IL17RA: variants seen among roughly 807,000 people sequenced by gnomAD.
IL17RA encodes interleukin 17 receptor A, also known as interleukin-17 receptor A.
In IL17RA, 34 loss-of-function variants were observed where a neutral mutation model predicts 50.4. The ratio of observed to expected loss-of-function variants is 0.67; its 90% CI spans 0.51 to 0.90. The LOEUF is 0.90. IL17RA is among the 40% of genes least tolerant of loss of function. IL17RA has a pLI of 0.00. For missense variants in IL17RA, 1,276 were observed against 1,169.8 expected, an observed-to-expected ratio of 1.09 and a Z score of -1.32; for synonymous variants, 585 against 510.4, an observed-to-expected ratio of 1.15 and a Z score of -1.97.
intron 1 of IL17RA, among the ~76,000 whole-genome samples, chr22:17,089,732 G>A (rs2061341088): frequency 6.6e-6 from 1 of 152,124 alleles, no homozygotes; most frequent in Non-Finnish European, 1.5e-5. Flanking sequence ...AATTAGCCAG[G>A]TGTGGTGGCG....
intron 8 of IL17RA, among the ~76,000 whole-genome samples, chr22:17,103,852 C>T (rs1291271523): frequency 1.7e-5 from 2 of 117,892 alleles, no homozygotes; most frequent in Non-Finnish European, 3.5e-5. Context: ...GAGTGGGGAA[C>T]GTGCACAGGT....
intron 7 of IL17RA, 48 bp downstream of exon 7, chr22:17,102,350 T>A: frequency 1.3e-6 from 2 of 1,597,974 alleles, no homozygotes; most frequent in South Asian, 2.2e-5. Context: ...GGACCACCCC[T>A]CCAAGCCCTG....
In IL17RA at chr22:17,109,852, G is replaced by C. The variant is rs777456714; in HGVS notation, c.*32G>C. The C allele has an allele frequency of 6.5e-7, 1 of 1,540,608 alleles. No individual in the cohort carries two copies. Among genetic ancestry groups the C allele is most frequent in the South Asian group, 1.2e-5 (1 of 83,932 alleles). ...CTCCCCAGGGACCGCCCAGATCCCA[G>C]CTTTGAGAGAGGAGTGTGTGTGCAC... On this transcript the variant is annotated 3_prime_UTR_variant, in exon 13 of 13. Coordinates refer to ENST00000319363, the MANE Select transcript of IL17RA (RefSeq NM_014339.7).
Position 17,085,191 on chromosome 22 carries a change from C to T in IL17RA, c.100C>T (p.Arg34Ter). 6.5e-7 allele frequency: 1 copy of T among 1,528,314 alleles called. No individual in the cohort carries two copies. Among genetic ancestry groups the T allele is most frequent in the Non-Finnish European group, 8.8e-7 (1 of 1,142,612 alleles). The allele number at this position is 1,528,314 out of a possible 1,614,324, so 94.7% of individuals were successfully genotyped here. A position where few individuals can be genotyped will look rare whatever the true frequency, so the allele number is the denominator to read the frequency against. Residue 34 changes from arginine to a stop codon, truncating the protein, a stop_gained, in exon 1 of 13, where the codon CGA becomes TGA. Coordinates refer to ENST00000319363, the MANE Select transcript of IL17RA (RefSeq NM_014339.7). LOFTEE classifies it high-confidence loss of function. ...GCTGGCCCCGGGTGGCGCCTCCCTG[C>T]GACTCCTGGACCACCGGGCGCTGGT... ...GVLAPGGASL[R>*]LLDHRALVCS...
intron 6 of IL17RA, 25 bp from the exon 7 acceptor site, chr22:17,102,114 C>T (rs747027956): frequency 6.2e-7 from 1 of 1,614,178 alleles, no homozygotes; most frequent in Non-Finnish European, 8.5e-7. Flanking sequence ...TCCTCACTCC[C>T]AGCCTGCGTG....
rs550947412 is a variant in IL17RA, at chr22:17,102,910, G to A, written c.763-584G>A. Reference sequence around the variant, plus strand: ...TAATCCCAGCAGTTTGGGAGGCCAAGGCAGGTGGATCACTTGAGGTCAGGA... The same window carrying A: ...TAATCCCAGCAGTTTGGGAGGCCAAAGCAGGTGGATCACTTGAGGTCAGGA... On this transcript the variant is annotated intron_variant, in intron 7 of 12. Coordinates refer to ENST00000319363, the MANE Select transcript of IL17RA (RefSeq NM_014339.7). 1.8e-4 allele frequency among the ~76,000 whole-genome samples: 28 copies of A among 152,358 alleles called. No individual in the cohort carries two copies. The East Asian group carries it at 5.4e-3, about 29-fold the overall frequency.
At chr22:17,104,610 C>G in intron 8 of IL17RA, 116 bp from the exon 9 acceptor site, 1 of 906,456 alleles carries the variant, frequency 1.1e-6, no homozygotes, top group Non-Finnish European at 1.8e-6. Context: ...ATGATGGTCA[C>G]CTGGAGATCG....
chr22:17,097,531 C>T, intron 2 of IL17RA: 1 of 569,764 alleles, frequency 1.8e-6, no homozygotes. Flanking sequence ...TGCCCTTATT[C>T]CCAATCACAA....
Position 17,108,662 on chromosome 22 carries a change from A to C in IL17RA, c.1443A>C (p.Ala481=). The C allele has an allele frequency of 6.2e-7, 1 of 1,607,704 alleles. No individual in the cohort carries two copies. Among genetic ancestry groups the C allele is most frequent in the Non-Finnish European group, 8.5e-7 (1 of 1,179,792 alleles). Residue 481 remains alanine (A), a synonymous_variant, in exon 13 of 13, where the codon GCA becomes GCC. Transcript: ENST00000319363. The part of the protein sequence containing the change: ...HGKPVGDLFT[A]AMNMILPDFK... ...AGCCCGTGGGGGACCTGTTCACTGC[A>C]GCCATGAACATGATCCTCCCGGACT... is the stretch of plus-strand genomic sequence containing the variant.
intron 7 of IL17RA, among the ~76,000 whole-genome samples, chr22:17,102,706 C>T (rs2061396237): frequency 6.6e-6 from 1 of 152,054 alleles, no homozygotes; most frequent in Non-Finnish European, 1.5e-5. Flanking sequence ...CTTTGGGAGG[C>T]CAAGGCAGGA....
chr22:17,101,856 C>A, intron 5 of IL17RA, 140 bp from the exon 6 acceptor site: 2 of 987,152 alleles, frequency 2.0e-6, no homozygotes, highest in South Asian at 1.4e-5. Flanking sequence ...GTGGGTCCAG[C>A]CCTGGAGCTC....
chr22:17,105,817 C>T (rs747318139), intron 10 of IL17RA, 36 bp from the exon 11 acceptor site: 1 of 1,545,726 alleles, frequency 6.5e-7, no homozygotes, highest in East Asian at 2.4e-5. Flanking sequence ...CAGGGCAGGC[C>T]CCGCCGCATC....
At chr22:17,107,325 G>A (rs2061418474) in intron 11 of IL17RA, among the ~76,000 whole-genome samples, 1 of 152,228 alleles carries the variant, frequency 6.6e-6, no homozygotes, top group African/African-American at 2.4e-5. Flanking sequence ...GGACCGTAAT[G>A]AGGAACCAGA....
At chr22:17,092,342 C>A (rs1160024325) in intron 1 of IL17RA, among the ~76,000 whole-genome samples, 1 of 152,182 alleles carries the variant, frequency 6.6e-6, no homozygotes, top group Non-Finnish European at 1.5e-5. Flanking sequence ...GTTCTCTGAG[C>A]AGCTTTAGCA....
In IL17RA at chr22:17,100,385, G is replaced by C; in HGVS notation, c.454G>C (p.Asp152His). The stretch of plus-strand genomic sequence containing the variant: ...TTTTACCTTCAGCCACTTTGTGGTT[G>C]ACCCTGACCAGGAATATGAGGTGAC... Reference protein sequence around the residue: ...WRFTFSHFVVDPDQEYEVTVH... With the variant: ...WRFTFSHFVVHPDQEYEVTVH... The change falls in exon 5 of 13, where the codon GAC becomes CAC. Residue 152 changes from aspartate to histidine, a missense_variant. Asp to His is a moderately conservative substitution (Grantham distance 81, BLOSUM62 -1). Transcript: ENST00000319363. The C allele has an allele frequency of 6.2e-7, 1 of 1,614,038 alleles. No individual in the cohort carries two copies. The highest frequency in any genetic ancestry group is 8.5e-7 in the Non-Finnish European group (1 of 1,179,986).
intron 8 of IL17RA, 83 bp from the exon 9 acceptor site, chr22:17,104,643 C>T (rs940549275): frequency 1.6e-6 from 2 of 1,256,036 alleles, no homozygotes; most frequent in African/African-American, 1.5e-5. Context: ...CCAGGATCCC[C>T]TCCTCTCACA....
intron 1 of IL17RA, among the ~76,000 whole-genome samples, chr22:17,095,199 CTTTG>C (rs763448192): frequency 4.6e-5 from 7 of 152,240 alleles, no homozygotes; most frequent in South Asian, 2.1e-4. Context: ...CATTAACAAA[CTTTG>C]TTTGTTAATC....
chr22:17,098,612 T>C (rs1319556133), intron 3 of IL17RA, among the ~76,000 whole-genome samples, 163 bp from the exon 4 acceptor site: 1 of 152,216 alleles, frequency 6.6e-6, no homozygotes, highest in Non-Finnish European at 1.5e-5. Context: ...GGCGGTAGGC[T>C]GAGGCCAGAG....
intron 8 of IL17RA, among the ~76,000 whole-genome samples, chr22:17,103,951 T>A (rs13055230): frequency 3.6e-3 from 16 of 4,386 alleles, no homozygotes; most frequent in East Asian, 5.6e-3. Flanking sequence ...AGGTGGAGAG[T>A]GTGGTGTGGC....
Sources: allele counts gnomAD v4.1 joint callset (sites outside exome capture counted in the v4.1 genomes callset), GRCh38; gene constraint gnomAD v4.1.1; transcripts MANE v1.5; gene names NCBI Gene and HGNC (gene_info 2026-07-23, HGNC 2026-07-21).